Variants in GALK2 observed in about 807,000 individuals in gnomAD.
The protein encoded by GALK2 is galactokinase 2.
A neutral mutation model predicts 52.4 loss-of-function variants in GALK2; 36 were observed. That is an observed-to-expected ratio of 0.69 (90% CI 0.53 to 0.91). The LOEUF (loss-of-function observed/expected upper bound fraction) is 0.91. Ranked by LOEUF, GALK2 falls within the 40% of genes least tolerant of loss-of-function variation. The probability of loss-of-function intolerance (pLI) is 0.00; values close to 1 mark genes in which losing one functional copy is unlikely to be tolerated. For missense variants in GALK2, 579 were observed against 559.1 expected (o/e 1.04, Z -0.36); for synonymous variants, 176 against 199.1 (o/e 0.88, Z 0.98).
At chr15:49,204,180 G>A (rs918304120) in intron 2 of GALK2, among the ~76,000 whole-genome samples, 2 of 151,084 alleles carry the variant, frequency 1.3e-5, no homozygotes, top group Non-Finnish European at 2.9e-5. Context: ...CTGTTCTATT[G>A]GTCTGTATGT....
intron 5 of GALK2, among the ~76,000 whole-genome samples, chr15:49,249,046 TAA>T (rs1298884952): frequency 9.5e-6 from 1 of 105,440 alleles, no homozygotes; most frequent in Non-Finnish European, 2.3e-5. Context: ...TACAATAAGT[TAA>T]GTGTTACACA....
chr15:49,196,342 T>G (rs2087232379), intron 1 of GALK2, among the ~76,000 whole-genome samples: 1 of 152,174 alleles, frequency 6.6e-6, no homozygotes, highest in Non-Finnish European at 1.5e-5. Context: ...ATCATTATTT[T>G]TAGATTCTAT....
chr15:49,156,881 C>T (rs2084474737), intron 1 of GALK2: 9 of 538,542 alleles, frequency 1.7e-5, no homozygotes, highest in Non-Finnish European at 2.9e-5. Flanking sequence ...TATGTGTACT[C>T]CTCATCCCTC....
At chr15:49,231,854 C>T (rs1340130184) in intron 3 of GALK2, among the ~76,000 whole-genome samples, 1 of 152,218 alleles carries the variant, frequency 6.6e-6, no homozygotes, top group East Asian at 1.9e-4. Context: ...TGGGAAGCTG[C>T]ACCTCTGAGG....
At chr15:49,264,109 G>T (rs1048928939) in intron 5 of GALK2, among the ~76,000 whole-genome samples, 1 of 151,574 alleles carries the variant, frequency 6.6e-6, no homozygotes, top group Non-Finnish European at 1.5e-5. Context: ...GAATCTGAAC[G>T]TTGGCCTGCC....
chr15:49,296,475 C>A (rs1271122376), intron 8 of GALK2, among the ~76,000 whole-genome samples: 1 of 152,218 alleles, frequency 6.6e-6, no homozygotes, highest in Non-Finnish European at 1.5e-5. Context: ...TTTATGGCAG[C>A]ATAGTATTCC....
chr15:49,300,169 T>C (rs1442154260), intron 8 of GALK2, among the ~76,000 whole-genome samples: 8 of 152,144 alleles, frequency 5.3e-5, no homozygotes, highest in South Asian at 4.1e-4. Context: ...CTTGCTGAAT[T>C]GAACCCTTTA....
At chr15:49,232,566 C>G (rs2663087) in intron 3 of GALK2, among the ~76,000 whole-genome samples, 151,902 of 152,362 alleles carry the variant, frequency 1, 75,721 homozygotes, top group Middle Eastern at 1. Flanking sequence ...ACATGGCCAG[C>G]CTTCAAATTT....
chr15:49,231,765 C>T (rs1169099334), intron 3 of GALK2, among the ~76,000 whole-genome samples: 1 of 152,216 alleles, frequency 6.6e-6, no homozygotes, highest in Non-Finnish European at 1.5e-5. Context: ...GTCATTAAAT[C>T]TTAAAGCTCC....
At chr15:49,169,975 C>T (rs1470401478), upstream of GALK2, 2 of 249,188 alleles carry the variant, frequency 8.0e-6, no homozygotes, top group Admixed American at 4.8e-5. Context: ...GGTTATGACA[C>T]TGTTCTCTGA....
upstream of GALK2, among the ~76,000 whole-genome samples, chr15:49,168,658 T>TATAC (rs1261286577): frequency 6.6e-6 from 1 of 150,694 alleles, no homozygotes; most frequent in Non-Finnish European, 1.5e-5. Context: ...GTGGAGGTTG[T>TATAC]AGTGAACAGA....
intron 1 of GALK2, among the ~76,000 whole-genome samples, chr15:49,172,524 CA>C (rs1194217481): frequency 7.2e-5 from 11 of 152,036 alleles, no homozygotes; most frequent in African/African-American, 2.7e-4. Context: ...TCAAGTATTG[CA>C]ATATGCTGAG....
intron 9 of GALK2, among the ~76,000 whole-genome samples, chr15:49,323,369 A>T (rs1236940234): frequency 6.6e-6 from 1 of 152,166 alleles, no homozygotes; most frequent in Non-Finnish European, 1.5e-5. Context: ...GGTGTGACTA[A>T]GACTGGGCAG....
chr15:49,266,770 G>T (rs1055329279), intron 5 of GALK2, among the ~76,000 whole-genome samples: 1 of 152,198 alleles, frequency 6.6e-6, no homozygotes, highest in Non-Finnish European at 1.5e-5. Flanking sequence ...TTGGGTGTGT[G>T]TGTGAATCTG....
Position 49,329,818 on chromosome 15 carries a change from A to G in GALK2, c.*1659A>G. Reference sequence around the variant, plus strand: ...ACCTGGATCAGTGTAAAAAAAAAAAAAAAAAGGCACCTGTCATTGTTTTGC... The same window carrying G: ...ACCTGGATCAGTGTAAAAAAAAAAAGAAAAAGGCACCTGTCATTGTTTTGC... On this transcript the variant is annotated 3_prime_UTR_variant, in exon 10 of 10. Coordinates refer to ENST00000560031, the MANE Select transcript of GALK2 (RefSeq NM_002044.4). 1.1e-6 allele frequency: 1 copy of G among 908,988 alleles called. No individual in the cohort carries two copies. Among genetic ancestry groups the G allele is most frequent in the Non-Finnish European group, 1.3e-6 (1 of 760,648 alleles). 56.3% of individuals were successfully genotyped at this position (908,988 alleles called of 1,614,324 possible).
downstream of GALK2, chr15:49,335,452 C>T: frequency 6.2e-7 from 1 of 1,613,522 alleles, no homozygotes; most frequent in East Asian, 2.2e-5. Context: ...TGCAAATTGT[C>T]TTTTTGCCTC....
rs947879450 is a variant in GALK2 at position 49,156,140 on chromosome 15, G to A, written c.20+124G>A. Reference sequence around the variant, plus strand: ...CTTAATGCTTGTTATATTTGTAGTTGACAAAACAATTCTATGGATATCCTA... The same window carrying A: ...CTTAATGCTTGTTATATTTGTAGTTAACAAAACAATTCTATGGATATCCTA... On this transcript the variant is annotated intron_variant, in intron 1 of 9. Transcript: ENST00000327171. The A allele has an allele frequency of 1.1e-5, 11 of 959,432 alleles. No homozygotes were observed. The African/African-American group carries it at 1.8e-4, about 15-fold the overall frequency. 59.4% of individuals were successfully genotyped at this position (959,432 alleles called of 1,614,324 possible). A position where few individuals can be genotyped will look rare whatever the true frequency, so the allele number is the denominator to read the frequency against.
chr15:49,349,970 T>C (rs545218111), intron 3 of GALK2, among the ~76,000 whole-genome samples: 103 of 152,318 alleles, frequency 6.8e-4, no homozygotes, highest in African/African-American at 2.5e-3. Context: ...AAATTAACTT[T>C]GTTGGTAACT....
intron 5 of GALK2, among the ~76,000 whole-genome samples, chr15:49,274,858 A>G (rs1190910641): frequency 6.6e-6 from 1 of 152,084 alleles, no homozygotes; most frequent in African/African-American, 2.4e-5. Flanking sequence ...CTCTTGTCCT[A>G]CTGGAAGGTC....
Sources: gnomAD v4.1 joint callset for allele counts (sites outside exome capture counted in the v4.1 genomes callset) on GRCh38, gnomAD v4.1.1 for gene constraint, MANE v1.5 for transcripts, NCBI Gene and HGNC (gene_info 2026-07-23, HGNC 2026-07-21) for gene names.